Variants in HDX observed in about 807,000 individuals in gnomAD.
HDX encodes chromosome X open reading frame 43.
HDX carries 19 observed loss-of-function variants against 45.2 expected under a neutral mutation model. The ratio of observed to expected loss-of-function variants is 0.42; its 90% CI spans 0.29 to 0.62. The LOEUF (loss-of-function observed/expected upper bound fraction) is 0.62. HDX is among the 20% of genes least tolerant of loss of function. HDX has a pLI of 0.20. For synonymous variants in HDX, 188 were observed against 172.8 expected (o/e 1.09, Z -0.69); for missense variants, 532 against 493.9 (o/e 1.08, Z -0.73).
chrX:84,341,593 T>C (rs1397324505), intron 7 of HDX, among the ~76,000 whole-genome samples: 1 of 110,994 alleles, frequency 9.0e-6, no homozygotes, highest in Non-Finnish European at 1.9e-5. Context: ...TTAATTGCTT[T>C]TTTAAAGAAT....
At position 84,463,268 on chromosome X, in the gene HDX, TGA is replaced by T. The variant is rs897442890; in HGVS notation, c.1251+5202_1251+5203del. ...TTTTTTAAAAACTTGAATATTTTCC[TGA>T]GAGTCATTTTGACCAAGTCACTCAA... On this transcript the variant is annotated intron_variant, in intron 4 of 10. Coordinates refer to ENST00000373177, the MANE Select transcript of HDX (RefSeq NM_001177479.2). Among the ~76,000 whole-genome samples the T allele has an allele frequency of 3.6e-5, 4 of 111,573 alleles. 1 individual carries two copies. The highest frequency in any genetic ancestry group is 7.4e-4 in the South Asian group (2 of 2,685).
chrX:84,478,833 T>A (rs1282599770), intron 2 of HDX, among the ~76,000 whole-genome samples: 1 of 111,261 alleles, frequency 9.0e-6, no homozygotes, highest in Non-Finnish European at 1.9e-5. Flanking sequence ...CACTCCAGCC[T>A]GGGTGACAGA....
At chrX:84,375,351 T>C (rs1038517682) in intron 5 of HDX, among the ~76,000 whole-genome samples, 2 of 110,213 alleles carry the variant, frequency 1.8e-5, no homozygotes, top group Non-Finnish European at 3.8e-5. Flanking sequence ...TCCTCAGGGA[T>C]CTAGAACTAG....
chrX:84,475,208 T>C, intron 3 of HDX, 43 bp downstream of exon 3: 7 of 1,106,890 alleles, frequency 6.3e-6, no homozygotes, highest in Non-Finnish European at 8.5e-6. Flanking sequence ...ATATCACTTG[T>C]AATAAGAAGC....
chrX:84,381,502 T>C (rs962177451), intron 5 of HDX, among the ~76,000 whole-genome samples: 38 of 110,912 alleles, frequency 3.4e-4, no homozygotes, highest in Non-Finnish European at 6.6e-4. Context: ...AATAGACATG[T>C]AGAGCAATGG....
intron 5 of HDX, among the ~76,000 whole-genome samples, chrX:84,402,090 G>T (rs1166086632): frequency 3.6e-5 from 4 of 111,548 alleles, no homozygotes; most frequent in Non-Finnish European, 7.5e-5. Flanking sequence ...AATAGCTAAT[G>T]CATGTGGGGC....
At chrX:84,455,337 T>C (rs942518248) in intron 4 of HDX, among the ~76,000 whole-genome samples, 1 of 111,649 alleles carries the variant, frequency 9.0e-6, no homozygotes, top group African/African-American at 3.3e-5. Context: ...ACAGAAGACA[T>C]TCACCAGCCT....
intron 5 of HDX, among the ~76,000 whole-genome samples, chrX:84,400,464 A>G (rs11795564): frequency 0.25 from 26,923 of 107,742 alleles, 2,630 homozygotes; most frequent in Non-Finnish European, 0.3. Context: ...TTGCTAAAAA[A>G]AGAATAAAAT....
chrX:84,480,203 G>A (rs944052664), intron 2 of HDX, among the ~76,000 whole-genome samples: 1 of 111,612 alleles, frequency 9.0e-6, no homozygotes, highest in Non-Finnish European at 1.9e-5. Context: ...CATTGAAGTT[G>A]TATTCTGCAA....
intron 5 of HDX, among the ~76,000 whole-genome samples, chrX:84,397,691 G>A (rs1196025334): frequency 9.0e-6 from 1 of 111,722 alleles, no homozygotes; most frequent in African/African-American, 3.3e-5. Flanking sequence ...TATTCAAAGT[G>A]TGATTACCTA....
chrX:84,344,304 C>T lies in HDX; in HGVS notation c.1606G>A (p.Asp536Asn), dbSNP rs1488493383. 3.3e-6 allele frequency: 4 copies of T among 1,208,752 alleles called. No individual in the cohort carries two copies. In the South Asian group the frequency reaches 7.0e-5, roughly 21 times the overall value. The change falls in exon 7 of 11, where the codon GAT becomes AAT. Residue 536 changes from aspartate to asparagine, a missense_variant. Physicochemically the swap from Asp to Asn is conservative, Grantham distance 23. Coordinates refer to ENST00000373177, the MANE Select transcript of HDX (RefSeq NM_001177479.2). ...GEEAGPEVGE[D>N]NDRNDEVSIC... is the part of the protein sequence containing the mutation. ...GATACTTCATCATTTCTGTCATTATCCTCTCCTACTTCAGGCCCAGCTTCC... is the reference window on the plus strand; with the variant it reads ...GATACTTCATCATTTCTGTCATTATTCTCTCCTACTTCAGGCCCAGCTTCC...
In HDX at chrX:84,333,656, C is replaced by G. The variant is rs757551557; in HGVS notation, c.1824+103G>C. 31 of 409,299 alleles carry G rather than the reference C, an allele frequency of 7.6e-5. No individual in the cohort carries two copies. In the Admixed American group the frequency reaches 1.3e-3, roughly 17 times the overall value. The allele number at this position is 409,299 out of a possible 1,213,427, so 33.7% of individuals were successfully genotyped here. ...GTAGCCAGAAAGAATTAATGCAGAG[C>G]CTTAGAATGCTTAACTTATTAAATA... On this transcript the variant is annotated intron_variant, in intron 9 of 10. Transcript: ENST00000373177.
At chrX:84,357,091 G>A (rs1310573676) in intron 6 of HDX, among the ~76,000 whole-genome samples, 1 of 111,459 alleles carries the variant, frequency 9.0e-6, no homozygotes, top group African/African-American at 3.3e-5. Flanking sequence ...GCATGATGAA[G>A]TTTTTTAAAA....
chrX:84,406,501 T>TACACAC, intron 5 of HDX, among the ~76,000 whole-genome samples: 3 of 67,947 alleles, frequency 4.4e-5, no homozygotes, highest in African/African-American at 1.5e-4. Context: ...CACACACACA[T>TACACAC]ACACACACAC....
At chrX:84,448,596 A>T (rs943391823) in intron 4 of HDX, among the ~76,000 whole-genome samples, 6 of 111,031 alleles carry the variant, frequency 5.4e-5, no homozygotes, top group African/African-American at 2.0e-4. Flanking sequence ...CGAGAATGAA[A>T]GCCAAAGTGC....
At chrX:84,419,737 G>A (rs908531326) in intron 5 of HDX, among the ~76,000 whole-genome samples, 4 of 112,058 alleles carry the variant, frequency 3.6e-5, no homozygotes, top group Admixed American at 9.4e-5. Context: ...GCTTTAGGTC[G>A]AACTTAGCAC....
chrX:84,322,397 G>T (rs758152144), intron 10 of HDX, among the ~76,000 whole-genome samples: 114 of 111,546 alleles, frequency 1.0e-3, no homozygotes, highest in African/African-American at 3.6e-3. Context: ...ATTCATGCCA[G>T]TTATGCTGTC....
At chrX:84,374,218 C>G (rs1324246131) in intron 5 of HDX, among the ~76,000 whole-genome samples, 1 of 111,041 alleles carries the variant, frequency 9.0e-6, no homozygotes, top group African/African-American at 3.3e-5. Context: ...TGAAGGACCT[C>G]TTCAAGGAGA....
rs1260304558 is a variant in HDX, at chrX:84,440,764, GA to G, written c.1252-180del. Among the ~76,000 whole-genome samples the G allele has an allele frequency of 3.3e-4, 37 of 110,910 alleles. No individual in the cohort carries two copies. In the East Asian group the frequency reaches 9.3e-3, roughly 28 times the overall value. ...CAGATTTTAAGGGGTCTTTTTTGGTGAAAAAAATTGAAAAGTGGGGCAGACT... is the reference window on the plus strand; with the variant it reads ...CAGATTTTAAGGGGTCTTTTTTGGTGAAAAAATTGAAAAGTGGGGCAGACT... On this transcript the variant is annotated intron_variant, in intron 4 of 10. Transcript: ENST00000373177.
Sources: gnomAD v4.1 joint callset for allele counts (sites outside exome capture counted in the v4.1 genomes callset) on GRCh38, gnomAD v4.1.1 for gene constraint, MANE v1.5 for transcripts, NCBI Gene and HGNC (gene_info 2026-07-23, HGNC 2026-07-21) for gene names.